PPFIA3: variants seen among roughly 807,000 people sequenced by gnomAD.
PPFIA3 encodes liprin-alpha-3.
PPFIA3 carries 26 observed loss-of-function variants against 145.8 expected under a neutral mutation model. The observed-to-expected ratio is 0.18, with a 90% CI of 0.13 to 0.25. The LOEUF is 0.25. Among genes scored for constraint, PPFIA3 ranks in the 10% least tolerant of loss-of-function variants. The pLI is 1.00. For synonymous variants in PPFIA3, 645 were observed against 661.4 expected, an observed-to-expected ratio of 0.98 and a Z score of 0.38; for missense variants, 1,008 against 1,587.8, an observed-to-expected ratio of 0.63 and a Z score of 6.21.
At position 49,133,651 on chromosome 19, in the gene PPFIA3, C is replaced by G. The variant is rs1050079632; in HGVS notation, c.1162-145C>G. 2.1e-6 allele frequency: 2 copies of G among 954,622 alleles called. No homozygotes were observed. The highest frequency in any genetic ancestry group is 4.2e-5 in the Admixed American group (2 of 47,738). The allele number at this position is 954,622 out of a possible 1,614,324, so 59.1% of individuals were successfully genotyped here. ...AGGTCCTGAAAAAGTGGACTAGGCG[C>G]AGGGGCGGGGCCTGACTCAAAGGTG... is the stretch of plus-strand genomic sequence containing the variant. On this transcript the variant is annotated intron_variant, in intron 9 of 29. Coordinates refer to ENST00000334186, the MANE Select transcript of PPFIA3 (RefSeq NM_003660.4). This position sits in a 1 kb window ranked among gnomAD's most constrained non-coding sequence, Gnocchi z 7.2.
intron 7 of PPFIA3, among the ~76,000 whole-genome samples, chr19:49,132,315 G>A (rs2041083287): frequency 6.8e-6 from 1 of 146,330 alleles, no homozygotes; most frequent in African/African-American, 2.5e-5. Context: ...TTTGAACCCA[G>A]GAGGTGGAGG....
At chr19:49,134,208 C>G (rs367873484) in intron 11 of PPFIA3, 43 bp downstream of exon 11, 190 of 1,553,272 alleles carry the variant, frequency 1.2e-4, no homozygotes, top group Non-Finnish European at 1.6e-4. Context: ...AATTCCGGGA[C>G]TACCTCTTGC....
intron 29 of PPFIA3, 32 bp from the exon 30 acceptor site, chr19:49,150,204 C>G: frequency 6.9e-7 from 1 of 1,442,864 alleles, no homozygotes; most frequent in Non-Finnish European, 9.5e-7. Flanking sequence ...GGTGGATCTT[C>G]ACTGCTCCAC....
At chr19:49,142,349 C>A (rs899523226) in intron 20 of PPFIA3, among the ~76,000 whole-genome samples, 1 of 152,108 alleles carries the variant, frequency 6.6e-6, no homozygotes, top group Admixed American at 6.6e-5. Flanking sequence ...GGGTCATGGT[C>A]TCCTGTCGTT....
chr19:49,132,874 C>G lies in PPFIA3; in HGVS notation c.880-127C>G, dbSNP rs1359051534. 18 of 1,256,992 alleles carry G rather than the reference C, an allele frequency of 1.4e-5. No individual in the cohort carries two copies. The Admixed American group carries it at 4.2e-4, about 29-fold the overall frequency. 77.9% of individuals were successfully genotyped at this position (1,256,992 alleles called of 1,614,324 possible). A position where few individuals can be genotyped will look rare whatever the true frequency, so the allele number is the denominator to read the frequency against. Reference sequence around the variant, plus strand: ...TTAAGATGGGCTAGTCCTGGGAGCTCTTAGCGGGTGTGACACCACCATTCT... The same window carrying G: ...TTAAGATGGGCTAGTCCTGGGAGCTGTTAGCGGGTGTGACACCACCATTCT... On this transcript the variant is annotated intron_variant, in intron 7 of 29. Transcript: ENST00000334186.
Position 49,133,233 on chromosome 19 carries a change from C to T in PPFIA3, c.1027-4C>T. On this transcript the variant is annotated splice_region_variant and splice_polypyrimidine_tract_variant and intron_variant, in intron 8 of 29. Transcript: ENST00000334186. The surrounding 1 kb of genome is among the most constrained non-coding windows in gnomAD (Gnocchi z 7.2). ...TCCCCTCCCCCTGCCTCTCCCTCCC[C>T]CAGAGTGAAGAGAAGAGCCGTCAGC... The T allele has an allele frequency of 1.2e-6, 2 of 1,602,106 alleles. No individual in the cohort carries two copies. Among genetic ancestry groups the T allele is most frequent in the South Asian group, 2.2e-5 (2 of 90,530 alleles).
In PPFIA3 at chr19:49,134,178, T is replaced by TA. The variant is rs1346286365; in HGVS notation, c.1377+14dup. 1 of 1,596,842 alleles carries TA rather than the reference T, an allele frequency of 6.3e-7. No homozygotes were observed. The highest frequency in any genetic ancestry group is 1.1e-5 in the South Asian group (1 of 89,154). On this transcript the variant is annotated intron_variant, in intron 11 of 29. Transcript: ENST00000334186. ...GCTGGAGGAGAAGGTGCGCCCCCCATACAGGACTGCGGGACGCGGAATTCC... is the reference window on the plus strand; with the variant it reads ...GCTGGAGGAGAAGGTGCGCCCCCCATAACAGGACTGCGGGACGCGGAATTCC...
rs373011577 is a variant in PPFIA3 at position 49,150,073 on chromosome 19, C to T, written c.3527-7C>T. The T allele has an allele frequency of 6.2e-7, 1 of 1,607,682 alleles. No individual in the cohort carries two copies. The highest frequency in any genetic ancestry group is 1.1e-5 in the South Asian group (1 of 89,188). On this transcript the variant is annotated splice_polypyrimidine_tract_variant and splice_region_variant and intron_variant, in intron 28 of 29. Transcript: ENST00000334186. ...CCAGGCTGAACCGCTGCTCGCTCTCCCTCCAGGCCAGACTTCTGGGAGTTC... is the reference window on the plus strand; with the variant it reads ...CCAGGCTGAACCGCTGCTCGCTCTCTCTCCAGGCCAGACTTCTGGGAGTTC...
chr19:49,148,965 C>A (rs1468993504), intron 25 of PPFIA3, 28 bp from the exon 26 acceptor site: 4 of 1,608,608 alleles, frequency 2.5e-6, no homozygotes, highest in Non-Finnish European at 3.4e-6. Flanking sequence ...ACGGGAGGGG[C>A]ACGGCTGAGG....
Position 49,130,397 on chromosome 19 carries a change from G to A in PPFIA3, c.677G>A (p.Gly226Asp). 6.2e-7 allele frequency: 1 copy of A among 1,608,552 alleles called. No individual in the cohort carries two copies. The highest frequency in any genetic ancestry group is 8.5e-7 in the Non-Finnish European group (1 of 1,177,714). ...CTCCAGACTCTTGCCAATGGCCTGG[G>A]TCCTGGCGGGGATTCCAACCGGCGC... ...GDGQTLANGL[G>D]PGGDSNRRTA... The change falls in exon 7 of 30, where the codon GGT (glycine) becomes GAT (aspartate). Residue 226 changes from glycine to aspartate, a missense_variant. Coordinates refer to ENST00000334186, the MANE Select transcript of PPFIA3 (RefSeq NM_003660.4). The surrounding 1 kb of genome is among the most constrained non-coding windows in gnomAD (Gnocchi z 4.5).
At chr19:49,146,319 C>A in intron 23 of PPFIA3, 127 bp downstream of exon 23, 1 of 1,237,584 alleles carries the variant, frequency 8.1e-7, no homozygotes, top group Non-Finnish European at 1.1e-6. Context: ...GGCGCTGCGC[C>A]AAGCTTGGCT....
At position 49,127,909 on chromosome 19, in the gene PPFIA3, T is replaced by C; in HGVS notation, c.36T>C (p.Asp12=). The change falls in exon 2 of 30, where the codon GAT becomes GAC. Residue 12 remains aspartate, a synonymous_variant. Transcript: ENST00000334186. Reference sequence around the variant, plus strand: ...AGGTGATGCCCACCATCAGCGAGGATGGCCGGCGGGGCTCGGCGCTGGGCC... The same window carrying C: ...AGGTGATGCCCACCATCAGCGAGGACGGCCGGCGGGGCTCGGCGCTGGGCC... The part of the protein sequence containing the change: ...MCEVMPTISE[D]GRRGSALGPD... 6.3e-7 allele frequency: 1 copy of C among 1,592,888 alleles called. No individual in the cohort carries two copies. The highest frequency in any genetic ancestry group is 1.1e-5 in the South Asian group (1 of 90,724).
intron 24 of PPFIA3, 116 bp from the exon 25 acceptor site, chr19:49,148,550 C>T (rs779344472): frequency 1.4e-5 from 12 of 872,198 alleles, no homozygotes; most frequent in African/African-American, 3.4e-5. Context: ...GTCAATAGAA[C>T]TTATCAGCTC....
Position 49,139,799 on chromosome 19 carries a change from G to T in PPFIA3, c.2208G>T (p.Gly736=). 2 of 1,612,300 alleles carry T rather than the reference G, an allele frequency of 1.2e-6. No homozygotes were observed. Among genetic ancestry groups the T allele is most frequent in the Non-Finnish European group, 1.7e-6 (2 of 1,178,800 alleles). Residue 736 remains glycine (G), a synonymous_variant, in exon 17 of 30, where the codon GGG becomes GGT. Transcript: ENST00000334186. The part of the protein sequence containing the change: ...RMTQALALQA[G]SLEDGGPPRG... Reference sequence around the variant, plus strand: ...CCCAGGCCTTGGCACTGCAGGCGGGGTCCCTGGAAGATGGGGGACCCCCAC... The same window carrying T: ...CCCAGGCCTTGGCACTGCAGGCGGGTTCCCTGGAAGATGGGGGACCCCCAC...
Position 49,136,803 on chromosome 19 carries a change from C to G in PPFIA3, c.1745C>G (p.Ala582Gly), listed in dbSNP as rs1225250020. 6.3e-7 allele frequency: 1 copy of G among 1,593,936 alleles called. No individual in the cohort carries two copies. The highest frequency in any genetic ancestry group is 1.1e-5 in the South Asian group (1 of 87,576). Residue 582 changes from alanine (A) to glycine (G), a missense_variant, in exon 15 of 30, where the codon GCA (alanine) becomes GGA (glycine). Coordinates refer to ENST00000334186, the MANE Select transcript of PPFIA3 (RefSeq NM_003660.4). ...GELDGSDEEE[A>G]EGMFGAELLS... is the part of the protein sequence containing the mutation. ...CTGGACGGCTCCGATGAGGAGGAGG[C>G]AGAGGGGATGTTTGGGGCCGAGCTG...
At chr19:49,124,957 C>T (rs1372717155) in intron 1 of PPFIA3, among the ~76,000 whole-genome samples, 1 of 152,116 alleles carries the variant, frequency 6.6e-6, no homozygotes, top group Non-Finnish European at 1.5e-5. Context: ...GTCGCAGTTA[C>T]TTGGGAAGCT....
chr19:49,136,024 G>A (rs2041133621), intron 14 of PPFIA3, 101 bp downstream of exon 14: 6 of 1,339,052 alleles, frequency 4.5e-6, no homozygotes, highest in Non-Finnish European at 4.9e-6. Flanking sequence ...GCTGGGTTGA[G>A]AGGCAGGATC....
chr19:49,141,006 T>C (rs1458445520), intron 18 of PPFIA3, among the ~76,000 whole-genome samples: 2 of 152,158 alleles, frequency 1.3e-5, no homozygotes, highest in Admixed American at 1.3e-4. Context: ...GCAGGGCACC[T>C]TCCTGTGGTG....
At position 49,121,545 on chromosome 19, in the gene PPFIA3, A is replaced by C. The variant is rs146189194; in HGVS notation, c.-16+1823A>C. 4.3e-3 allele frequency among the ~76,000 whole-genome samples: 654 copies of C among 152,014 alleles called. 4 individuals carry two copies. The highest frequency in any genetic ancestry group is 0.014 in the African/African-American group (594 of 41,504). ...TAATCCCAGCACTTTGGGAGGCTGA[A>C]GCGGGCGGATCACCTGAGGTCAGGA... On this transcript the variant is annotated intron_variant, in intron 1 of 29. Coordinates refer to ENST00000334186, the MANE Select transcript of PPFIA3 (RefSeq NM_003660.4).
Sources: gnomAD v4.1 joint callset for allele counts (sites outside exome capture counted in the v4.1 genomes callset) on GRCh38, gnomAD v4.1.1 for gene constraint, Gnocchi (gnomAD v3.1) non-coding constraint, MANE v1.5 for transcripts, NCBI Gene and HGNC (gene_info 2026-07-23, HGNC 2026-07-21) for gene names.